Variants in UBXN8 observed in about 807,000 individuals in gnomAD.
The protein encoded by UBXN8 is UBX domain protein 8.
In UBXN8, 27 loss-of-function variants were observed where a neutral mutation model predicts 32.1. The observed-to-expected ratio is 0.84, with a 90% CI of 0.62 to 1.16. UBXN8 has a LOEUF of 1.16. UBXN8 is among the 50% of genes most tolerant of loss of function. The probability of loss-of-function intolerance (pLI) is 0.00; values close to 1 mark genes in which losing one functional copy is unlikely to be tolerated. For synonymous variants in UBXN8, 109 were observed against 111.8 expected (o/e 0.98, Z 0.16); for missense variants, 306 against 311.4 (o/e 0.98, Z 0.13).
chr8:30,741,996 G>A (rs1805212788), upstream of UBXN8, among the ~76,000 whole-genome samples: 1 of 152,040 alleles, frequency 6.6e-6, no homozygotes. Flanking sequence ...TGGAAGACCA[G>A]GGAGGAAGAA....
chr8:30,752,126 G>A (rs767169159), intron 2 of UBXN8, among the ~76,000 whole-genome samples: 22 of 152,118 alleles, frequency 1.4e-4, no homozygotes, highest in Admixed American at 5.2e-4. Flanking sequence ...TCTTGACCTC[G>A]TGATCCGCCC....
Position 30,754,291 on chromosome 8 carries a change from C to G in UBXN8, c.283-374C>G, listed in dbSNP as rs1225262680. The G allele has an allele frequency of 3.1e-5, 11 of 359,026 alleles. No individual in the cohort carries two copies. In the East Asian group the frequency reaches 8.6e-4, roughly 28 times the overall value. 22.2% of individuals were successfully genotyped at this position (359,026 alleles called of 1,614,324 possible). ...TGGCTTCCCTCTCCAGATTTAAGAT[C>G]TGAAATTCTAAAGATGGCACTTGGT... On this transcript the variant is annotated intron_variant, in intron 3 of 7. Transcript: ENST00000265616.
At chr8:30,750,732 C>T (rs1805497754) in intron 1 of UBXN8, among the ~76,000 whole-genome samples, 1 of 149,156 alleles carries the variant, frequency 6.7e-6, no homozygotes, top group African/African-American at 2.5e-5. Context: ...GAGATCATGC[C>T]ACTGCACTCC....
At chr8:30,752,213 C>G (rs1805538522) in intron 2 of UBXN8, among the ~76,000 whole-genome samples, 1 of 152,196 alleles carries the variant, frequency 6.6e-6, no homozygotes, top group Non-Finnish European at 1.5e-5. Flanking sequence ...TCTTGAAAGG[C>G]TTTTCATCCT....
chr8:30,760,218 A>G (rs1210464661), intron 5 of UBXN8, among the ~76,000 whole-genome samples: 1 of 1,094 alleles, frequency 9.1e-4, no homozygotes, highest in East Asian at 0.25. Flanking sequence ...ACCCGCCATC[A>G]TGCCTGATAA....
At chr8:30,756,096 C>T (rs1343944922) in intron 4 of UBXN8, 1 of 151,924 alleles carries the variant, frequency 6.6e-6, no homozygotes, top group African/African-American at 2.4e-5. Context: ...ACCATCTCAG[C>T]TCAATGCAAC....
chr8:30,763,241 T>G, intron 6 of UBXN8, 32 bp from the exon 7 acceptor site: 1 of 1,604,328 alleles, frequency 6.2e-7, no homozygotes, highest in Non-Finnish European at 8.5e-7. Context: ...GAGCAATGGA[T>G]CGGAGTTCTT....
chr8:30,753,241 T>A, intron 3 of UBXN8, 136 bp downstream of exon 3: 1 of 1,228,848 alleles, frequency 8.1e-7, no homozygotes, highest in Non-Finnish European at 1.0e-6. Flanking sequence ...TCACGTGACA[T>A]AAATTGACCA....
upstream of UBXN8, among the ~76,000 whole-genome samples, chr8:30,743,609 C>T (rs545375101): frequency 6.6e-6 from 1 of 152,088 alleles, no homozygotes; most frequent in Non-Finnish European, 1.5e-5. Flanking sequence ...TGAAAAGGGG[C>T]GGAACAAGGG....
At chr8:30,762,462 C>T (rs575951483) in intron 6 of UBXN8, among the ~76,000 whole-genome samples, 4 of 152,204 alleles carry the variant, frequency 2.6e-5, no homozygotes, top group African/African-American at 4.8e-5. Flanking sequence ...GGCACAATCT[C>T]GGCTCTCTGA....
At chr8:30,749,869 G>A (rs1805473494) in intron 1 of UBXN8, among the ~76,000 whole-genome samples, 2 of 152,032 alleles carry the variant, frequency 1.3e-5, no homozygotes, top group Non-Finnish European at 2.9e-5. Flanking sequence ...CTCCCAAAGT[G>A]CTGGGATTAC....
chr8:30,729,304 C>T (rs1000179040), upstream of UBXN8, among the ~76,000 whole-genome samples: 10 of 152,224 alleles, frequency 6.6e-5, no homozygotes, highest in Non-Finnish European at 1.3e-4. Context: ...GGCTGAACAC[C>T]GGGAAGGAAC....
At chr8:30,750,904 G>A (rs146836041) in intron 1 of UBXN8, among the ~76,000 whole-genome samples, 80 of 152,000 alleles carry the variant, frequency 5.3e-4, no homozygotes, top group African/African-American at 1.6e-3. Context: ...TTTTTTCCCC[G>A]TCGTTAGTCC....
chr8:30,764,022 G>T (rs1442774707), intron 7 of UBXN8, among the ~76,000 whole-genome samples: 2 of 152,062 alleles, frequency 1.3e-5, no homozygotes, highest in African/African-American at 4.8e-5. Context: ...CAATACTGTG[G>T]TTGTTAGTGA....
In UBXN8 at chr8:30,766,434, T is replaced by C; in HGVS notation, c.*40T>C. The C allele has an allele frequency of 6.6e-7, 1 of 1,512,142 alleles. No individual in the cohort carries two copies. Among genetic ancestry groups the C allele is most frequent in the Non-Finnish European group, 8.9e-7 (1 of 1,124,488 alleles). The allele number at this position is 1,512,142 out of a possible 1,614,324, so 93.7% of individuals were successfully genotyped here. On this transcript the variant is annotated 3_prime_UTR_variant, in exon 8 of 8. Transcript: ENST00000265616. Reference sequence around the variant, plus strand: ...CTCCCTGTTTGCATGAAGTCAGTTATGCTATGACCTTCTGGCACAATAAAG... The same window carrying C: ...CTCCCTGTTTGCATGAAGTCAGTTACGCTATGACCTTCTGGCACAATAAAG...
At chr8:30,754,437 C>T (rs1252118642) in intron 3 of UBXN8, 2 of 617,428 alleles carry the variant, frequency 3.2e-6, no homozygotes, top group Non-Finnish European at 6.2e-6. Context: ...AAAACCACAA[C>T]CTGGTTGATA....
At position 30,766,557 on chromosome 8, in the gene UBXN8, CTA is replaced by C; in HGVS notation, c.*170_*171del. 1.5e-6 allele frequency: 1 copy of C among 679,348 alleles called. No homozygotes were observed. Among genetic ancestry groups the C allele is most frequent in the South Asian group, 2.7e-5 (1 of 37,068 alleles). 42.1% of individuals were successfully genotyped at this position (679,348 alleles called of 1,614,324 possible). On this transcript the variant is annotated 3_prime_UTR_variant, in exon 8 of 8. Transcript: ENST00000265616. ...AATAGGATTAGAAAAGGATTGCTTTCTATATATAATAATCTGTGGACTGTGCC... is the reference window on the plus strand; with the variant it reads ...AATAGGATTAGAAAAGGATTGCTTTCTATATAATAATCTGTGGACTGTGCC...
intron 2 of UBXN8, among the ~76,000 whole-genome samples, chr8:30,752,159 G>T (rs1215021293): frequency 6.6e-6 from 1 of 152,168 alleles, no homozygotes; most frequent in Non-Finnish European, 1.5e-5. Flanking sequence ...CGATGTGTTG[G>T]GATCACAGGC....
chr8:30,734,331 T>A (rs551551524), intron 1 of UBXN8: 5 of 152,216 alleles, frequency 3.3e-5, no homozygotes, highest in African/African-American at 1.2e-4. Flanking sequence ...AAAATCACCA[T>A]TTTGGGCTGG....
Sources: allele counts gnomAD v4.1 joint callset (sites outside exome capture counted in the v4.1 genomes callset), GRCh38; gene constraint gnomAD v4.1.1; transcripts MANE v1.5; gene names NCBI Gene and HGNC (gene_info 2026-07-23, HGNC 2026-07-21).